The following RABGAP1L variants were observed in gnomAD, a reference collection of about 807,000 sequenced individuals.
The protein encoded by RABGAP1L is RAB GTPase activating protein 1 like.
RABGAP1L carries 63 observed loss-of-function variants against 137.7 expected under a neutral mutation model. That is an observed-to-expected ratio of 0.46 (90% CI 0.37 to 0.56). RABGAP1L has a LOEUF of 0.56. Among genes scored for constraint, RABGAP1L ranks in the 20% least tolerant of loss-of-function variants. The pLI is 0.00. For synonymous variants in RABGAP1L, 431 were observed against 433.7 expected (o/e 0.99, Z 0.08); for missense variants, 1,095 against 1,244.0 (o/e 0.88, Z 1.80).
intron 18 of RABGAP1L, among the ~76,000 whole-genome samples, chr1:174,773,506 G>A (rs1268905453): frequency 6.6e-6 from 1 of 152,138 alleles, no homozygotes; most frequent in Admixed American, 6.5e-5. Flanking sequence ...CATACTATGA[G>A]TGAAAACAGG....
intron 9 of RABGAP1L, 87 bp from the exon 10 acceptor site, chr1:174,278,526 T>G (rs1254430829): frequency 4.7e-6 from 5 of 1,056,718 alleles, no homozygotes; most frequent in Non-Finnish European, 7.0e-6. Flanking sequence ...GTAAAGAACT[T>G]TAATTCTTTC....
At chr1:174,287,984 G>C (rs1486885253) in intron 10 of RABGAP1L, among the ~76,000 whole-genome samples, 2 of 151,480 alleles carry the variant, frequency 1.3e-5, no homozygotes, top group Non-Finnish European at 2.9e-5. Flanking sequence ...TTAATCTTTT[G>C]TGTATCTACT....
chr1:174,958,544 A>G (rs937214109), intron 20 of RABGAP1L, among the ~76,000 whole-genome samples: 12 of 152,218 alleles, frequency 7.9e-5, no homozygotes, highest in African/African-American at 2.9e-4. Flanking sequence ...CAAGAAATGG[A>G]CTGTGTGGCA....
intron 15 of RABGAP1L, among the ~76,000 whole-genome samples, chr1:174,693,449 T>G (rs1240746213): frequency 2.0e-5 from 3 of 152,228 alleles, no homozygotes; most frequent in Non-Finnish European, 4.4e-5. Context: ...GTACTCAAAA[T>G]TCATCACTTT....
intron 18 of RABGAP1L, among the ~76,000 whole-genome samples, chr1:174,753,191 G>A (rs1684473516): frequency 6.6e-6 from 1 of 152,160 alleles, no homozygotes; most frequent in African/African-American, 2.4e-5. Flanking sequence ...GAATTGAGAT[G>A]ATCAAAGAAG....
intron 17 of RABGAP1L, among the ~76,000 whole-genome samples, chr1:174,734,324 T>C (rs1682755189): frequency 1.3e-5 from 2 of 152,054 alleles, no homozygotes. Flanking sequence ...GGTATGACCA[T>C]AGGGAACTCG....
At chr1:174,193,522 A>G (rs1667358031) in intron 1 of RABGAP1L, among the ~76,000 whole-genome samples, 2 of 152,108 alleles carry the variant, frequency 1.3e-5, no homozygotes, top group Non-Finnish European at 2.9e-5. Context: ...ACAGAGCAAG[A>G]CTCTCAGAAA....
chr1:174,985,831 G>A (rs1052549673), intron 24 of RABGAP1L, among the ~76,000 whole-genome samples: 5 of 152,174 alleles, frequency 3.3e-5, no homozygotes, highest in African/African-American at 1.2e-4. Context: ...GGACTAGAAA[G>A]GTATATCTTT....
chr1:174,940,674 AACCTCAGTGATCTCTTC>A (rs1453500632), intron 19 of RABGAP1L, among the ~76,000 whole-genome samples: 2 of 152,194 alleles, frequency 1.3e-5, no homozygotes, highest in African/African-American at 4.8e-5. Flanking sequence ...ACTATTTTAA[AACCTCAGTGATCTCTTC>A]ACATCATTGT....
intron 13 of RABGAP1L, among the ~76,000 whole-genome samples, chr1:174,469,589 A>G (rs1247877662): frequency 1.3e-5 from 2 of 152,162 alleles, no homozygotes; most frequent in Admixed American, 6.5e-5. Flanking sequence ...CTTTCCTGGA[A>G]GTGTCTTTGC....
chr1:174,648,716 C>T (rs917003824), intron 14 of RABGAP1L, among the ~76,000 whole-genome samples: 1 of 152,092 alleles, frequency 6.6e-6, no homozygotes. Context: ...TCTATTAGGT[C>T]CGCTTGGTCT....
At chr1:174,274,737 A>G (rs183607380) in intron 8 of RABGAP1L, among the ~76,000 whole-genome samples, 46 of 151,958 alleles carry the variant, frequency 3.0e-4, no homozygotes, top group East Asian at 5.8e-4. Context: ...TCTGGAATGC[A>G]TGGTCCCTGC....
At chr1:174,180,514 G>C (rs888348408) in intron 1 of RABGAP1L, among the ~76,000 whole-genome samples, 1 of 152,122 alleles carries the variant, frequency 6.6e-6, no homozygotes, top group Non-Finnish European at 1.5e-5. Context: ...ACCTACCTTA[G>C]AGTACAATAG....
intron 13 of RABGAP1L, among the ~76,000 whole-genome samples, chr1:174,517,959 G>A (rs571543855): frequency 6.6e-6 from 1 of 152,148 alleles, no homozygotes; most frequent in East Asian, 1.9e-4. Flanking sequence ...AATATTTTCT[G>A]GTGTCAATGG....
intron 11 of RABGAP1L, among the ~76,000 whole-genome samples, chr1:174,357,378 C>T (rs756000901): frequency 6.6e-6 from 1 of 152,040 alleles, no homozygotes; most frequent in Non-Finnish European, 1.5e-5. Flanking sequence ...TCACCCTAAG[C>T]GTGTGAACAT....
chr1:174,170,299 A>G (rs1665248688), intron 1 of RABGAP1L, among the ~76,000 whole-genome samples: 1 of 152,228 alleles, frequency 6.6e-6, no homozygotes, highest in Admixed American at 6.5e-5. Flanking sequence ...TAATCTTCAC[A>G]GTAACCATAT....
At chr1:174,798,415 A>G (rs1231780254) in intron 18 of RABGAP1L, among the ~76,000 whole-genome samples, 1 of 152,122 alleles carries the variant, frequency 6.6e-6, no homozygotes, top group African/African-American at 2.4e-5. Flanking sequence ...ACAAAAAAAA[A>G]AAGAAATCAT....
chr1:174,564,621 T>C (rs1379254359), intron 13 of RABGAP1L, among the ~76,000 whole-genome samples: 2 of 152,158 alleles, frequency 1.3e-5, no homozygotes, highest in Non-Finnish European at 2.9e-5. Context: ...TTTTTCCTAC[T>C]TGTTTGAAAC....
chr1:174,518,899 C>T (rs10912803), intron 13 of RABGAP1L, among the ~76,000 whole-genome samples: 1 of 152,046 alleles, frequency 6.6e-6, no homozygotes, highest in Non-Finnish European at 1.5e-5. Context: ...TTTACAGTAG[C>T]TGAGGATTTC....
Sources: allele counts gnomAD v4.1 joint callset (sites outside exome capture counted in the v4.1 genomes callset), GRCh38; gene constraint gnomAD v4.1.1; transcripts MANE v1.5; gene names NCBI Gene and HGNC (gene_info 2026-07-23, HGNC 2026-07-21).